GSK3A: variants seen among roughly 807,000 people sequenced by gnomAD.
The protein encoded by GSK3A is glycogen synthase kinase 3 alpha, also known as glycogen synthase kinase-3 alpha.
A neutral mutation model predicts 56.6 loss-of-function variants in GSK3A; 14 were observed. The observed-to-expected ratio is 0.25, with a 90% CI of 0.16 to 0.39. GSK3A has a LOEUF of 0.39. Ranked by LOEUF, GSK3A falls within the 10% of genes least tolerant of loss-of-function variation. The pLI is 1.00. For missense variants in GSK3A, 450 were observed against 656.0 expected, an observed-to-expected ratio of 0.69 and a Z score of 3.43; for synonymous variants, 301 against 285.0, an observed-to-expected ratio of 1.06 and a Z score of -0.56.
In GSK3A at chr19:42,242,382, T is replaced by G; in HGVS notation, c.84A>C (p.Gly28=). ...CGGGGCCGCCGCCGCCTCCTCCGCC[T>G]CCGCCGCCGGGCTCCGCGAACGAGC... ...RTSSFAEPGG[G]GGGGGGGPGG... Residue 28 remains glycine, a synonymous_variant, in exon 1 of 11, where the codon GGA becomes GGC. Transcript: ENST00000222330. 2 of 1,389,376 alleles carry G rather than the reference T, an allele frequency of 1.4e-6. No individual in the cohort carries two copies. The allele number at this position is 1,389,376 out of a possible 1,614,324, so 86.1% of individuals were successfully genotyped here.
intron 1 of GSK3A, 172 bp downstream of exon 1, chr19:42,242,011 G>A (rs921320901): frequency 1.7e-5 from 8 of 465,238 alleles, no homozygotes; most frequent in African/African-American, 1.2e-4. Flanking sequence ...TGATCTCCAA[G>A]AGATGGTAAC....
intron 4 of GSK3A, among the ~76,000 whole-genome samples, chr19:42,235,225 G>A (rs1209731047): frequency 6.6e-6 from 1 of 152,172 alleles, no homozygotes; most frequent in Non-Finnish European, 1.5e-5. Context: ...CACTGATGCT[G>A]GTCCCCGGAC....
In GSK3A at chr19:42,234,700, AG is replaced by A; in HGVS notation, c.667-23del. On this transcript the variant is annotated intron_variant, in intron 4 of 10. Transcript: ENST00000222330. This position sits in a 1 kb window ranked among gnomAD's most constrained non-coding sequence, Gnocchi z 5.7. ...ACACCTGCGGCGGGCACAGGATAGCAGAACTTTAGCCCAGCTTTCCCCATAC... is the reference window on the plus strand; with the variant it reads ...ACACCTGCGGCGGGCACAGGATAGCAAACTTTAGCCCAGCTTTCCCCATAC... 6.5e-7 allele frequency: 1 copy of A among 1,542,636 alleles called. No homozygotes were observed. Among genetic ancestry groups the A allele is most frequent in the Non-Finnish European group, 8.8e-7 (1 of 1,140,160 alleles).
intron 6 of GSK3A, among the ~76,000 whole-genome samples, chr19:42,233,967 G>A (rs2036241247): frequency 6.6e-6 from 1 of 152,164 alleles, no homozygotes; most frequent in Admixed American, 6.5e-5. Context: ...AACAGGGAAG[G>A]ACACAGAGGC....
Position 42,242,548 on chromosome 19 carries a change from C to A in GSK3A, c.-83G>T. 4.1e-6 allele frequency: 4 copies of A among 964,282 alleles called. No individual in the cohort carries two copies. The highest frequency in any genetic ancestry group is 5.0e-6 in the Non-Finnish European group (4 of 798,890). 59.7% of individuals were successfully genotyped at this position (964,282 alleles called of 1,614,324 possible). A position where few individuals can be genotyped will look rare whatever the true frequency, so the allele number is the denominator to read the frequency against. On this transcript the variant is annotated 5_prime_UTR_variant, in exon 1 of 11. Coordinates refer to ENST00000222330, the MANE Select transcript of GSK3A (RefSeq NM_019884.3). Reference sequence around the variant, plus strand: ...CGCCGCTGCCGCCGCCTCCCCCGGGCCCTGGCCTCTTCCAGGCCGCGCCGC... The same window carrying A: ...CGCCGCTGCCGCCGCCTCCCCCGGGACCTGGCCTCTTCCAGGCCGCGCCGC...
chr19:42,238,153 A>C (rs2146938950), intron 2 of GSK3A, among the ~76,000 whole-genome samples: 1 of 152,100 alleles, frequency 6.6e-6, no homozygotes, highest in Middle Eastern at 3.4e-3. Context: ...GGAGTTCGAG[A>C]CCAGCCTGGC....
intron 4 of GSK3A, 87 bp downstream of exon 4, chr19:42,236,519 G>C (rs2036258070): frequency 2.4e-6 from 2 of 833,690 alleles, no homozygotes; most frequent in Non-Finnish European, 4.2e-6. Flanking sequence ...CATAAACTTG[G>C]CGGATGAGGG....
rs1483941949 is a variant in GSK3A at position 42,242,453 on chromosome 19, C to T, written c.13G>A (p.Gly5Arg). 3 of 1,245,618 alleles carry T rather than the reference C, an allele frequency of 2.4e-6. No homozygotes were observed. The highest frequency in any genetic ancestry group is 2.6e-5 in the South Asian group (1 of 38,068). 77.2% of individuals were successfully genotyped at this position (1,245,618 alleles called of 1,614,324 possible). A position where few individuals can be genotyped will look rare whatever the true frequency, so the allele number is the denominator to read the frequency against. MSGGGPSGGGPGGSG... is the reference protein window; with the variant it reads MSGGRPSGGGPGGSG... Reference sequence around the variant, plus strand: ...CCCCCAGGGCCGCCTCCCGAAGGCCCGCCGCCGCTCATGGCGCCGAGCACA... The same window carrying T: ...CCCCCAGGGCCGCCTCCCGAAGGCCTGCCGCCGCTCATGGCGCCGAGCACA... Residue 5 changes from glycine to arginine, a missense_variant, in exon 1 of 11, where the codon GGG (glycine) becomes AGG (arginine). Physicochemically the swap from Gly to Arg is moderately radical, Grantham distance 125. Coordinates refer to ENST00000222330, the MANE Select transcript of GSK3A (RefSeq NM_019884.3).
chr19:42,230,520 G>T lies in GSK3A; in HGVS notation c.*274C>A, dbSNP rs113418753. 3.8e-5 allele frequency: 19 copies of T among 504,232 alleles called. No individual in the cohort carries two copies. The highest frequency in any genetic ancestry group is 1.0e-3 in the Middle Eastern group (2 of 1,944). The allele number at this position is 504,232 out of a possible 1,614,324, so 31.2% of individuals were successfully genotyped here. On this transcript the variant is annotated 3_prime_UTR_variant, in exon 11 of 11. Coordinates refer to ENST00000222330, the MANE Select transcript of GSK3A (RefSeq NM_019884.3). Reference sequence around the variant, plus strand: ...GGGGTCTGGAGGAGGTGGAGGTCTGGGGGAGGGGAGGGGGCCAAGGGGGTA... The same window carrying T: ...GGGGTCTGGAGGAGGTGGAGGTCTGTGGGAGGGGAGGGGGCCAAGGGGGTA...
At chr19:42,238,534 C>A (rs1238760000) in intron 2 of GSK3A, among the ~76,000 whole-genome samples, 1 of 142,214 alleles carries the variant, frequency 7.0e-6, no homozygotes, top group Non-Finnish European at 1.5e-5. Context: ...TTGAACCCGG[C>A]AGGCGGAGGT....
rs900339448 is a variant in GSK3A, at chr19:42,233,020, G to T, written c.1098+90C>A. 5.0e-6 allele frequency: 4 copies of T among 806,382 alleles called. No homozygotes were observed. The East Asian group carries it at 1.0e-4, about 21-fold the overall frequency. 50.0% of individuals were successfully genotyped at this position (806,382 alleles called of 1,614,324 possible). A position where few individuals can be genotyped will look rare whatever the true frequency, so the allele number is the denominator to read the frequency against. On this transcript the variant is annotated intron_variant, in intron 8 of 10. Transcript: ENST00000222330. ...ATAACTCTTCAAATCCTCCCAAGCC[G>T]TGATTCTGAGGCTAGGTCCACAGAA...
In GSK3A at chr19:42,234,929, C is replaced by T. The variant is rs2036246908; in HGVS notation, c.667-251G>A. Reference sequence around the variant, plus strand: ...ATCCCGGTATTTTGGGAGGCCAAGACCAGCCTCGCCAACATGTTGAGATCC... The same window carrying T: ...ATCCCGGTATTTTGGGAGGCCAAGATCAGCCTCGCCAACATGTTGAGATCC... On this transcript the variant is annotated intron_variant, in intron 4 of 10. Transcript: ENST00000222330. This position sits in a 1 kb window ranked among gnomAD's most constrained non-coding sequence, Gnocchi z 5.7. Among the ~76,000 whole-genome samples, 1 of 152,204 alleles carries T rather than the reference C, an allele frequency of 6.6e-6. No individual in the cohort carries two copies. Among genetic ancestry groups the T allele is most frequent in the Non-Finnish European group, 1.5e-5 (1 of 68,034 alleles).
chr19:42,232,356 G>A (rs776529020), intron 9 of GSK3A, 140 bp downstream of exon 9: 1 of 774,860 alleles, frequency 1.3e-6, no homozygotes, highest in African/African-American at 1.7e-5. Flanking sequence ...CCTGAATCTG[G>A]GAGTCATCTT....
At position 42,242,281 on chromosome 19, in the gene GSK3A, G is replaced by T. The variant is rs1440405889; in HGVS notation, c.185C>A (p.Ala62Asp). 5 of 1,436,716 alleles carry T rather than the reference G, an allele frequency of 3.5e-6. No individual in the cohort carries two copies. The highest frequency in any genetic ancestry group is 4.5e-6 in the Non-Finnish European group (5 of 1,101,450). 89.0% of individuals were successfully genotyped at this position (1,436,716 alleles called of 1,614,324 possible). Residue 62 changes from alanine to aspartate, a missense_variant, in exon 1 of 11, where the codon GCC becomes GAC. Transcript: ENST00000222330. ...GCCGGGTCCACCCCCGGAGCTCGAGGCCCCGACGCCCCCACCCATGGCCCC... is the reference window on the plus strand; with the variant it reads ...GCCGGGTCCACCCCCGGAGCTCGAGTCCCCGACGCCCCCACCCATGGCCCC... ...SVGAMGGGVG[A>D]SSSGGGPGGS...
intron 2 of GSK3A, among the ~76,000 whole-genome samples, chr19:42,238,052 AAAAAT>A (rs954949889): frequency 1.8e-4 from 27 of 151,564 alleles, no homozygotes; most frequent in African/African-American, 5.3e-4. Flanking sequence ...GCCTTAAAAT[AAAAAT>A]AAAATAAAAA....
chr19:42,236,739 G>A (rs551987381), intron 3 of GSK3A, 23 bp from the exon 4 acceptor site: 6 of 1,556,776 alleles, frequency 3.9e-6, no homozygotes, highest in South Asian at 2.2e-5. Context: ...AAGGAGAGGT[G>A]TGAGGCACTG....
rs985316807 is a variant in GSK3A, at chr19:42,232,484, C to T, written c.1285+12G>A. The T allele has an allele frequency of 6.2e-7, 1 of 1,613,488 alleles. No individual in the cohort carries two copies. The highest frequency in any genetic ancestry group is 8.5e-7 in the Non-Finnish European group (1 of 1,179,682). On this transcript the variant is annotated intron_variant, in intron 9 of 10. Transcript: ENST00000222330. ...CCCGCCCCACTCCCCAGATCCCAGG[C>T]TATGCCCTCACCACCAGCACTGAAG...
At position 42,232,656 on chromosome 19, in the gene GSK3A, C is replaced by T; in HGVS notation, c.1125G>A (p.Glu375=). 1.3e-6 allele frequency: 2 copies of T among 1,592,184 alleles called. No homozygotes were observed. The highest frequency in any genetic ancestry group is 1.7e-6 in the Non-Finnish European group (2 of 1,166,594). Residue 375 remains glutamate (E), a synonymous_variant, in exon 9 of 11, where the codon GAG becomes GAA. Transcript: ENST00000222330. ...GCAGGCTAGAGCAGAGCGCGATGGC[C>T]TCTGGCGGCGTTCGAGATTTGAACA... The part of the protein sequence containing the change: ...TKVFKSRTPP[E]AIALCSSLLE...
chr19:42,241,386 C>A (rs1252661280), intron 1 of GSK3A: 1 of 151,972 alleles, frequency 6.6e-6, no homozygotes, highest in Non-Finnish European at 1.5e-5. Context: ...TGACACCATA[C>A]CTTAGAACAA....
Sources: gnomAD v4.1 joint callset for allele counts (sites outside exome capture counted in the v4.1 genomes callset) on GRCh38, gnomAD v4.1.1 for gene constraint, Gnocchi (gnomAD v3.1) non-coding constraint, MANE v1.5 for transcripts, NCBI Gene and HGNC (gene_info 2026-07-23, HGNC 2026-07-21) for gene names.